The following TENM2 variants were observed in gnomAD, a reference collection of about 807,000 sequenced individuals.
TENM2 encodes teneurin-2.
Under a neutral mutation model 245.2 loss-of-function variants are expected in TENM2, and 52 were observed. The ratio of observed to expected loss-of-function variants is 0.21; its 90% CI spans 0.17 to 0.27. TENM2 has a LOEUF of 0.27. Ranked by LOEUF, TENM2 falls within the 10% of genes least tolerant of loss-of-function variation. The probability of loss-of-function intolerance (pLI) is 1.00; values close to 1 mark genes in which losing one functional copy is unlikely to be tolerated. For synonymous variants in TENM2, 1,363 were observed against 1,438.9 expected (o/e 0.95, Z 1.19); for missense variants, 3,046 against 3,666.8 (o/e 0.83, Z 4.37).
intron 1 of TENM2, among the ~76,000 whole-genome samples, chr5:167,360,633 T>A (rs375219398): frequency 6.6e-6 from 1 of 152,340 alleles, no homozygotes; most frequent in South Asian, 2.1e-4. Flanking sequence ...CTCCTACTGG[T>A]TCTGCTGCTG....
At chr5:167,738,599 G>A (rs1438079411) in intron 2 of TENM2, among the ~76,000 whole-genome samples, 1 of 151,958 alleles carries the variant, frequency 6.6e-6, no homozygotes, top group Non-Finnish European at 1.5e-5. Context: ...ATTTTTCTAG[G>A]GATACCATAA....
intron 1 of TENM2, among the ~76,000 whole-genome samples, chr5:167,292,883 A>G (rs1043891837): frequency 1.3e-5 from 2 of 152,160 alleles, no homozygotes; most frequent in African/African-American, 4.8e-5. Context: ...CATTTGAGGG[A>G]TGGGGAGGAG....
chr5:167,362,166 G>C (rs912922682), intron 1 of TENM2, among the ~76,000 whole-genome samples: 6 of 152,294 alleles, frequency 3.9e-5, no homozygotes, highest in Admixed American at 1.3e-4. Flanking sequence ...AGGAAAGGAA[G>C]AAAAGGAAAA....
At chr5:167,972,854 C>T (rs116645981) in intron 4 of TENM2, among the ~76,000 whole-genome samples, 1 of 152,002 alleles carries the variant, frequency 6.6e-6, no homozygotes, top group Non-Finnish European at 1.5e-5. Context: ...CTTCTTAATG[C>T]CAGATATAGT....
rs571582584 is a variant in TENM2, at chr5:168,034,568, C to G, written c.1187-12859C>G. Among the ~76,000 whole-genome samples, 33 of 151,484 alleles carry G rather than the reference C, an allele frequency of 2.2e-4. No homozygotes were observed. The South Asian group carries it at 6.7e-3, about 31-fold the overall frequency. ...CAACATAGTGAGACCCCCCACCCCC[C>G]GCCATCTCTACTAAAAAATTAAAAA... On this transcript the variant is annotated intron_variant, in intron 5 of 28. Coordinates refer to ENST00000518659, the Ensembl canonical transcript of TENM2.
the TENM2 span, among the ~76,000 whole-genome samples, chr5:167,028,832 G>A: frequency 4.6e-5 from 7 of 152,004 alleles, no homozygotes; most frequent in South Asian, 2.1e-4. Context: ...CCAAGCAGTC[G>A]AAGCTCTGCC....
At chr5:167,125,133 G>T in the TENM2 span, among the ~76,000 whole-genome samples, 1 of 152,316 alleles carries the variant, frequency 6.6e-6, no homozygotes, top group Non-Finnish European at 1.5e-5. Flanking sequence ...CCCCTTGAAT[G>T]ATTCTGATGT....
At chr5:168,132,652 G>A (rs556127246) in intron 12 of TENM2, among the ~76,000 whole-genome samples, 37 of 152,298 alleles carry the variant, frequency 2.4e-4, no homozygotes, top group African/African-American at 8.9e-4. Context: ...TGAACAGTTT[G>A]GAACTCTTGC....
intron 23 of TENM2, among the ~76,000 whole-genome samples, chr5:168,221,439 G>A (rs1280400662): frequency 6.6e-6 from 1 of 152,190 alleles, no homozygotes; most frequent in East Asian, 1.9e-4. Flanking sequence ...AGATCTCCAA[G>A]CCCAGCGTTC....
the TENM2 span, among the ~76,000 whole-genome samples, chr5:167,066,616 G>C: frequency 6.9e-6 from 1 of 144,248 alleles, no homozygotes; most frequent in Admixed American, 7.4e-5. Context: ...CTACCTATGA[G>C]TGAGAATTTT....
At chr5:167,504,067 G>T (rs188868882) in intron 2 of TENM2, among the ~76,000 whole-genome samples, 1 of 152,032 alleles carries the variant, frequency 6.6e-6, no homozygotes, top group African/African-American at 2.4e-5. Context: ...AAATTAACTT[G>T]GGAACTTCTT....
chr5:167,457,337 ATT>A, intron 2 of TENM2, among the ~76,000 whole-genome samples: 1 of 75,148 alleles, frequency 1.3e-5, no homozygotes, highest in Admixed American at 1.2e-4. Context: ...ATTTTATTTT[ATT>A]TTATTTTATT....
intron 2 of TENM2, among the ~76,000 whole-genome samples, chr5:167,408,486 G>T (rs1019323188): frequency 2.6e-5 from 4 of 151,916 alleles, no homozygotes; most frequent in African/African-American, 9.7e-5. Context: ...GGTGATAAAT[G>T]ACATTTTTAT....
At chr5:168,070,789 AAGAAAG>A (rs1280103198) in intron 7 of TENM2, among the ~76,000 whole-genome samples, 3 of 113,524 alleles carry the variant, frequency 2.6e-5, no homozygotes, top group South Asian at 3.1e-4. Flanking sequence ...GTCAGAAAGA[AAGAAAG>A]AGAGAGAGAG....
chr5:167,178,530 C>A, the TENM2 span, among the ~76,000 whole-genome samples: 2 of 152,074 alleles, frequency 1.3e-5, no homozygotes, highest in African/African-American at 2.4e-5. Flanking sequence ...GAATGTCCTG[C>A]GGAGCCTCAC....
intron 2 of TENM2, among the ~76,000 whole-genome samples, chr5:167,849,878 G>C (rs778494690): frequency 1.3e-5 from 2 of 152,184 alleles, no homozygotes; most frequent in Non-Finnish European, 2.9e-5. Context: ...GCCTCTCCAA[G>C]TATGCCACCC....
intron 7 of TENM2, among the ~76,000 whole-genome samples, chr5:168,070,818 AG>A (rs67502946): frequency 0.098 from 12,999 of 131,986 alleles, 706 homozygotes; most frequent in East Asian, 0.18. Flanking sequence ...AGAGAGAGAG[AG>A]AAAAAAAGAA....
chr5:167,334,365 C>T (rs1471845888), intron 1 of TENM2, among the ~76,000 whole-genome samples: 1 of 152,170 alleles, frequency 6.6e-6, no homozygotes, highest in Non-Finnish European at 1.5e-5. Flanking sequence ...AATATGCCTT[C>T]AATGTTCCTG....
the TENM2 span, among the ~76,000 whole-genome samples, chr5:167,082,882 A>G: frequency 5.3e-5 from 8 of 152,288 alleles, no homozygotes; most frequent in African/African-American, 1.7e-4. Context: ...ATGTTTTAAA[A>G]AATAATTTTA....
Sources: allele counts gnomAD v4.1 joint callset (sites outside exome capture counted in the v4.1 genomes callset), GRCh38; gene constraint gnomAD v4.1.1; transcripts MANE v1.5; gene names NCBI Gene and HGNC (gene_info 2026-07-23, HGNC 2026-07-21).